ABCB9: variants seen among roughly 807,000 people sequenced by gnomAD.
The protein encoded by ABCB9 is ABC-type oligopeptide transporter ABCB9.
In ABCB9, 36 loss-of-function variants were observed where a neutral mutation model predicts 62.0. The ratio of observed to expected loss-of-function variants is 0.58; its 90% CI spans 0.45 to 0.77. The LOEUF (loss-of-function observed/expected upper bound fraction) is 0.77, where lower values mean the gene tolerates loss of function less well. ABCB9 is among the 30% of genes least tolerant of loss of function. The pLI, the probability that ABCB9 is intolerant of heterozygous loss-of-function variation, is 0.00. For missense variants in ABCB9, 943 were observed against 1,054.7 expected (o/e 0.89, Z 1.47); for synonymous variants, 435 against 461.4 (o/e 0.94, Z 0.73).
At chr12:122,965,426 G>A (rs2037119131) in intron 1 of ABCB9, among the ~76,000 whole-genome samples, 1 of 152,212 alleles carries the variant, frequency 6.6e-6, no homozygotes, top group African/African-American at 2.4e-5. Context: ...GGGTGGGAGG[G>A]CCTGACTGTG....
chr12:122,942,680 T>C (rs1238710708), intron 7 of ABCB9, among the ~76,000 whole-genome samples: 4 of 150,702 alleles, frequency 2.7e-5, no homozygotes, highest in Admixed American at 6.6e-5. Context: ...GGCATGTGAC[T>C]GTAACCCCAG....
chr12:122,969,685 T>A (rs975793261), upstream of ABCB9, among the ~76,000 whole-genome samples: 1 of 150,478 alleles, frequency 6.6e-6, no homozygotes, highest in African/African-American at 2.5e-5. Context: ...TGCAATGAGC[T>A]GTGTCCATAC....
At chr12:122,949,016 G>A in intron 4 of ABCB9, 187 bp from the exon 5 acceptor site, 1 of 516,394 alleles carries the variant, frequency 1.9e-6, no homozygotes, top group Non-Finnish European at 3.4e-6. Flanking sequence ...CCAGTCATCA[G>A]CATCTTGCTT....
chr12:122,969,852 C>G (rs2037250745), upstream of ABCB9, among the ~76,000 whole-genome samples: 1 of 152,174 alleles, frequency 6.6e-6, no homozygotes, highest in African/African-American at 2.4e-5. Flanking sequence ...ATCTGGAACA[C>G]TGACAACACC....
chr12:122,973,443 A>G (rs2037311044), intron 1 of ABCB9, among the ~76,000 whole-genome samples: 1 of 148,396 alleles, frequency 6.7e-6, no homozygotes, highest in Non-Finnish European at 1.5e-5. Flanking sequence ...GGGCGCCTGT[A>G]GTCCCAGCTA....
At chr12:122,933,993 C>T (rs947146355) in intron 10 of ABCB9, among the ~76,000 whole-genome samples, 2 of 152,178 alleles carry the variant, frequency 1.3e-5, no homozygotes, top group African/African-American at 4.8e-5. Context: ...CCTGAAATCC[C>T]ACCACTTTGG....
In ABCB9 at chr12:122,942,416, CATT is replaced by C. The variant is rs1323787213; in HGVS notation, c.1381-1424_1381-1422del. Among the ~76,000 whole-genome samples, 955 of 151,874 alleles carry C rather than the reference CATT, an allele frequency of 6.3e-3. 13 individuals are homozygous for C. Among genetic ancestry groups the C allele is most frequent in the African/African-American group, 0.022 (921 of 41,346 alleles). ...CAGCCTGGCCAACATGGTGCAACCC[CATT>C]TCTACTGAAAATACAATTTTGTACT... On this transcript the variant is annotated intron_variant, in intron 7 of 11. Transcript: ENST00000280560.
intron 9 of ABCB9, 190 bp downstream of exon 9, chr12:122,939,921 G>T: frequency 1.3e-6 from 1 of 757,074 alleles, no homozygotes; most frequent in Non-Finnish European, 2.0e-6. Context: ...CAAAATGCTG[G>T]GATTACAGGT....
At chr12:122,972,207 G>T (rs2037284446) in intron 1 of ABCB9, among the ~76,000 whole-genome samples, 3 of 151,924 alleles carry the variant, frequency 2.0e-5, no homozygotes, top group African/African-American at 7.3e-5. Context: ...ACCGCGCCCG[G>T]CTAATTTTTT....
At chr12:122,963,119 G>A (rs1016626244) in intron 1 of ABCB9, among the ~76,000 whole-genome samples, 7 of 152,130 alleles carry the variant, frequency 4.6e-5, no homozygotes, top group South Asian at 2.1e-4. Flanking sequence ...GCAACATGGC[G>A]AAATCCCGTC....
chr12:122,928,882 C>T, downstream of ABCB9: 1 of 493,484 alleles, frequency 2.0e-6, no homozygotes, highest in Non-Finnish European at 2.6e-6. Flanking sequence ...GGCCCTGGAC[C>T]ACCCAAAGTC....
rs2035027681 is a variant in ABCB9, at chr12:122,929,550, A to C, written c.*361T>G. 2 of 1,047,306 alleles carry C rather than the reference A, an allele frequency of 1.9e-6. No homozygotes were observed. The highest frequency in any genetic ancestry group is 2.3e-6 in the Non-Finnish European group (2 of 871,056). 64.9% of individuals were successfully genotyped at this position (1,047,306 alleles called of 1,614,324 possible). Reference sequence around the variant, plus strand: ...GAAGTTTCTAGAACATCTTGGTGAAAGTGCCCGCCATTACTCCCAATTAGA... The same window carrying C: ...GAAGTTTCTAGAACATCTTGGTGAACGTGCCCGCCATTACTCCCAATTAGA... On this transcript the variant is annotated 3_prime_UTR_variant, in exon 12 of 12. Transcript: ENST00000280560. This position sits in a 1 kb window ranked among gnomAD's most constrained non-coding sequence, Gnocchi z 6.0.
chr12:122,939,945 T>C, intron 9 of ABCB9, 166 bp downstream of exon 9: 1 of 998,624 alleles, frequency 1.0e-6, no homozygotes, highest in Admixed American at 3.1e-5. Context: ...AGCCACCACG[T>C]CTGGACAAGA....
chr12:122,962,688 C>T (rs567636967), intron 1 of ABCB9, among the ~76,000 whole-genome samples: 28 of 152,200 alleles, frequency 1.8e-4, no homozygotes, highest in Non-Finnish European at 3.2e-4. Flanking sequence ...CTACTGCATG[C>T]CTGGCACAAA....
At chr12:122,923,142 G>A (rs957899067) in intron 11 of ABCB9, among the ~76,000 whole-genome samples, 6 of 150,624 alleles carry the variant, frequency 4.0e-5, no homozygotes, top group Non-Finnish European at 8.9e-5. Context: ...TCACTCTGTC[G>A]CCCAGGCTGG....
In ABCB9 at chr12:122,959,796, A is replaced by G; in HGVS notation, c.440T>C (p.Leu147Pro). Reference sequence around the variant, plus strand: ...AGCCTCGGTGGCCGCCCCTGGCTCCAGGGCCTGGGTGCCTGGCCGCACGGT... The same window carrying G: ...AGCCTCGGTGGCCGCCCCTGGCTCCGGGGCCTGGGTGCCTGGCCGCACGGT... Reference protein sequence around the residue: ...LSTVRPGTQALEPGAATEAEG... With the variant: ...LSTVRPGTQAPEPGAATEAEG... The change falls in exon 2 of 12, where the codon CTG becomes CCG. Residue 147 changes from leucine to proline, a missense_variant. Leu to Pro is a moderately conservative substitution (Grantham distance 98, BLOSUM62 -3). Coordinates refer to ENST00000280560, the MANE Select transcript of ABCB9 (RefSeq NM_019625.4). This position sits in a 1 kb window ranked among gnomAD's most constrained non-coding sequence, Gnocchi z 5.4. 1.2e-6 allele frequency: 2 copies of G among 1,612,174 alleles called. No individual in the cohort carries two copies. Among genetic ancestry groups the G allele is most frequent in the South Asian group, 1.1e-5 (1 of 91,040 alleles).
rs977167419 is a variant in ABCB9, at chr12:122,940,325, A to T, written c.1570-41T>A. ...AGGCACAGTGCGGGGTTATCGGCTC[A>T]GGTCCCAGGACTGGATGCCCTGACC... is the stretch of plus-strand genomic sequence containing the variant. On this transcript the variant is annotated intron_variant, in intron 8 of 11. Transcript: ENST00000280560. This position sits in a 1 kb window ranked among gnomAD's most constrained non-coding sequence, Gnocchi z 4.8. 2.6e-6 allele frequency: 4 copies of T among 1,523,246 alleles called. No homozygotes were observed. The highest frequency in any genetic ancestry group is 3.5e-6 in the Non-Finnish European group (4 of 1,133,030). 94.4% of individuals were successfully genotyped at this position (1,523,246 alleles called of 1,614,324 possible). A position where few individuals can be genotyped will look rare whatever the true frequency, so the allele number is the denominator to read the frequency against.
chr12:122,928,582 TC>T (rs1274501753), downstream of ABCB9, among the ~76,000 whole-genome samples: 1 of 152,074 alleles, frequency 6.6e-6, no homozygotes, highest in African/African-American at 2.4e-5. Flanking sequence ...GCAGGGGTCT[TC>T]CTGTGTCCGG....
downstream of ABCB9, among the ~76,000 whole-genome samples, chr12:122,924,113 A>G (rs936563719): frequency 1.3e-5 from 2 of 152,176 alleles, no homozygotes; most frequent in African/African-American, 4.8e-5. Flanking sequence ...TGAGTCTGCC[A>G]TCTTCCTGGG....
Sources: gnomAD v4.1 joint callset for allele counts (sites outside exome capture counted in the v4.1 genomes callset) on GRCh38, gnomAD v4.1.1 for gene constraint, Gnocchi (gnomAD v3.1) non-coding constraint, MANE v1.5 for transcripts, NCBI Gene and HGNC (gene_info 2026-07-23, HGNC 2026-07-21) for gene names.